KDM1A: variants seen among roughly 807,000 people sequenced by gnomAD.
KDM1A encodes lysine demethylase 1A.
Under a neutral mutation model 109.4 loss-of-function variants are expected in KDM1A, and 49 were observed. That is an observed-to-expected ratio of 0.45 (90% CI 0.36 to 0.57). KDM1A has a LOEUF of 0.57. Ranked by LOEUF, KDM1A falls within the 20% of genes least tolerant of loss-of-function variation. The probability of loss-of-function intolerance (pLI) is 0.00; values close to 1 mark genes in which losing one functional copy is unlikely to be tolerated. For synonymous variants in KDM1A, 380 were observed against 415.4 expected, an observed-to-expected ratio of 0.91 and a Z score of 1.04; for missense variants, 668 against 1,116.6, an observed-to-expected ratio of 0.60 and a Z score of 5.73.
rs564064806 is a variant in KDM1A, at chr1:23,077,638, C to T, written c.1867+278C>T. On this transcript the variant is annotated intron_variant, in intron 16 of 20. Transcript: ENST00000400181. ...CATCCCTAATCTGAAAATCTGAAAT[C>T]TCTAATGCCCCAGTGAGCATTTCCT... Among the ~76,000 whole-genome samples the T allele has an allele frequency of 6.9e-4, 105 of 152,252 alleles. 1 individual carries two copies. In the South Asian group the frequency reaches 0.02, roughly 29 times the overall value.
intron 2 of KDM1A, among the ~76,000 whole-genome samples, chr1:23,031,623 C>T (rs1641983451): frequency 6.6e-6 from 1 of 151,786 alleles, no homozygotes; most frequent in Non-Finnish European, 1.5e-5. Flanking sequence ...CTGTGAATTA[C>T]CAGAAGCAGT....
intron 13 of KDM1A, 75 bp from the exon 14 acceptor site, chr1:23,072,049 A>C: frequency 1.1e-6 from 1 of 877,284 alleles, no homozygotes; most frequent in Non-Finnish European, 1.9e-6. Context: ...TCCAGACCTT[A>C]TACTTTGTGG....
intron 11 of KDM1A, 109 bp from the exon 12 acceptor site, chr1:23,068,952 G>A: frequency 1.4e-6 from 1 of 715,586 alleles, no homozygotes. Flanking sequence ...TTGTTCCTAA[G>A]TATCAGAAGT....
Position 23,077,263 on chromosome 1 carries a change from A to G in KDM1A, c.1770A>G (p.Thr590=), listed in dbSNP as rs760665190. Residue 590 remains threonine, a synonymous_variant, in exon 16 of 21, where the codon ACA becomes ACG. Coordinates refer to ENST00000400181, the MANE Select transcript of KDM1A (RefSeq NM_001009999.3). ...TTGAGTTCACTGGCAGCCACCTGAC[A>G]GTAAGGAATGGCTACTCGTGTGTGC... The part of the protein sequence containing the change: ...DDFEFTGSHL[T]VRNGYSCVPV... 8.7e-6 allele frequency: 14 copies of G among 1,614,156 alleles called. No individual in the cohort carries two copies. In the South Asian group the frequency reaches 1.4e-4, roughly 16 times the overall value.
chr1:23,037,129 T>C (rs590356), intron 2 of KDM1A, among the ~76,000 whole-genome samples: 4,505 of 147,696 alleles, frequency 0.031, 91 homozygotes, highest in African/African-American at 0.055. Context: ...AAAATATATA[T>C]ACACACACAC....
intron 2 of KDM1A, among the ~76,000 whole-genome samples, chr1:23,042,978 A>G (rs925014540): frequency 3.4e-5 from 5 of 149,116 alleles, no homozygotes; most frequent in African/African-American, 1.2e-4. Context: ...TGAACTCCTG[A>G]CCTCAAGTGA....
At chr1:23,036,444 G>GCCCCCCCCCCCCCCCCCCCCCCAC (rs5773033) in intron 2 of KDM1A, among the ~76,000 whole-genome samples, 2 of 121,596 alleles carry the variant, frequency 1.6e-5, no homozygotes, top group Non-Finnish European at 3.4e-5. Flanking sequence ...TTCTTGCCAC[G>GCCCCCCCCCCCCCCCCCCCCCCAC]CCCCCCCCCT....
chr1:23,068,691 T>G lies in KDM1A; in HGVS notation c.1322+10T>G, dbSNP rs1319175316. The G allele has an allele frequency of 5.9e-6, 9 of 1,535,542 alleles. No individual in the cohort carries two copies. Among genetic ancestry groups the G allele is most frequent in the Non-Finnish European group, 7.8e-6 (9 of 1,151,254 alleles). The stretch of plus-strand genomic sequence containing the variant: ...TGGAAGTTGTCATTCAGTAAGTACT[T>G]TGATACTGCTTATTGTATAGTGAGT... On this transcript the variant is annotated intron_variant, in intron 11 of 20. Coordinates refer to ENST00000400181, the MANE Select transcript of KDM1A (RefSeq NM_001009999.3).
At chr1:23,050,565 A>G (rs1205738057) in intron 4 of KDM1A, 45 bp downstream of exon 4, 4 of 1,496,804 alleles carry the variant, frequency 2.7e-6, no homozygotes, top group South Asian at 1.3e-5. Flanking sequence ...TAAAAAGTAT[A>G]TATGGCTTTG....
rs1058944 is a variant in KDM1A at position 23,083,579 on chromosome 1, C to T, written c.*215C>T. On this transcript the variant is annotated 3_prime_UTR_variant, in exon 21 of 21. Transcript: ENST00000400181. ...TCCATTAGTTTGGAATTGTGTTCTT[C>T]GTAAAGACTGAGGCAAGCAAGTGCT... is the stretch of plus-strand genomic sequence containing the variant. The T allele has an allele frequency of 7.2e-6, 3 of 416,856 alleles. No individual in the cohort carries two copies. Among genetic ancestry groups the T allele is most frequent in the Non-Finnish European group, 1.3e-5 (3 of 233,200 alleles). The allele number at this position is 416,856 out of a possible 1,614,324, so 25.8% of individuals were successfully genotyped here.
chr1:23,034,976 C>T (rs899545316), intron 2 of KDM1A, among the ~76,000 whole-genome samples: 3 of 152,028 alleles, frequency 2.0e-5, no homozygotes, highest in African/African-American at 7.2e-5. Flanking sequence ...ACTAATGAAG[C>T]CCAGAAGCTT....
chr1:23,072,029 G>A, intron 13 of KDM1A, 95 bp from the exon 14 acceptor site: 1 of 751,186 alleles, frequency 1.3e-6, no homozygotes, highest in Non-Finnish European at 2.3e-6. Context: ...GATCTGAAGA[G>A]GAAATATGAT....
chr1:23,069,213 AT>A lies in KDM1A; in HGVS notation c.1413+66del, dbSNP rs552284832. The A allele has an allele frequency of 1.6e-4, 172 of 1,069,092 alleles. No individual in the cohort carries two copies. The African/African-American group carries it at 2.4e-3, about 15-fold the overall frequency. 66.2% of individuals were successfully genotyped at this position (1,069,092 alleles called of 1,614,324 possible). Reference sequence around the variant, plus strand: ...TTAATAGGAGAAAAAGTCTTTAGAAATTTTAAAAGCATTTCCGAGATTTTTT... The same window carrying A: ...TTAATAGGAGAAAAAGTCTTTAGAAATTTAAAAGCATTTCCGAGATTTTTT... On this transcript the variant is annotated intron_variant, in intron 12 of 20. Coordinates refer to ENST00000400181, the MANE Select transcript of KDM1A (RefSeq NM_001009999.3).
intron 9 of KDM1A, among the ~76,000 whole-genome samples, chr1:23,064,328 C>T (rs1265194234): frequency 6.6e-6 from 1 of 152,176 alleles, no homozygotes; most frequent in Admixed American, 6.5e-5. Context: ...CTAGGTTTTA[C>T]CAAATGAACT....
chr1:23,019,986 G>T, intron 1 of KDM1A, 39 bp downstream of exon 1: 1 of 1,442,514 alleles, frequency 6.9e-7, no homozygotes, highest in Non-Finnish European at 9.1e-7. Flanking sequence ...ACCGCCTGGT[G>T]CCGAGCTTCC....
At chr1:23,057,800 CTT>C (rs10685820) in intron 8 of KDM1A, 1,223 of 127,108 alleles carry the variant, frequency 9.6e-3, no homozygotes, top group South Asian at 0.041. Flanking sequence ...GTGTTTGAAG[CTT>C]TTTTTTTTTT....
intron 9 of KDM1A, among the ~76,000 whole-genome samples, chr1:23,061,477 G>T (rs1456835372): frequency 6.6e-6 from 1 of 152,104 alleles, no homozygotes; most frequent in Non-Finnish European, 1.5e-5. Flanking sequence ...TTTGTATTTG[G>T]TGCAGTAGCC....
chr1:23,076,702 T>C (rs1209921082), intron 15 of KDM1A, among the ~76,000 whole-genome samples: 1 of 152,134 alleles, frequency 6.6e-6, no homozygotes, highest in African/African-American at 2.4e-5. Context: ...CCGAGCGTGG[T>C]GGCTCATGCC....
intron 10 of KDM1A, among the ~76,000 whole-genome samples, 181 bp from the exon 11 acceptor site, chr1:23,068,358 T>A (rs568299624): frequency 6.6e-6 from 1 of 152,288 alleles, no homozygotes; most frequent in African/African-American, 2.4e-5. Flanking sequence ...CCCAAACATT[T>A]CATATCTCAT....
Sources: allele counts gnomAD v4.1 joint callset (sites outside exome capture counted in the v4.1 genomes callset), GRCh38; gene constraint gnomAD v4.1.1; transcripts MANE v1.5; gene names NCBI Gene and HGNC (gene_info 2026-07-23, HGNC 2026-07-21).